JRK: variants seen among roughly 807,000 people sequenced by gnomAD.
JRK encodes Jrk helix-turn-helix protein, also known as jerky protein homolog.
For missense variants in JRK, 720 were observed against 509.2 expected (o/e 1.41, Z -3.98); for synonymous variants, 303 against 218.1 (o/e 1.39, Z -3.43).
chr8:142,667,432 GACACACACACAC>G lies in JRK; in HGVS notation c.-462-924_-462-913del, dbSNP rs59385009. 3.0e-3 allele frequency among the ~76,000 whole-genome samples: 447 copies of G among 146,912 alleles called. 1 individual carries two copies. The highest frequency in any genetic ancestry group is 8.1e-3 in the African/African-American group (318 of 39,292). On this transcript the variant is annotated intron_variant, in intron 1 of 1. Coordinates refer to ENST00000612905, the MANE Select transcript of JRK (RefSeq NM_003724.4). ...CCTGCCAGACATGGACGGACACGGA[GACACACACACAC>G]ACACACACACACACACACACACACA...
rs905330909 is a variant in JRK, at chr8:142,662,336, A to C, written c.*2016T>G. 5 of 985,500 alleles carry C rather than the reference A, an allele frequency of 5.1e-6. No individual in the cohort carries two copies. The highest frequency in any genetic ancestry group is 1.7e-5 in the African/African-American group (1 of 57,236). 61.0% of individuals were successfully genotyped at this position (985,500 alleles called of 1,614,324 possible). A position where few individuals can be genotyped will look rare whatever the true frequency, so the allele number is the denominator to read the frequency against. ...CCCTCCCCAGCTCCACCCACCCAGG[A>C]TGTCCTACTGTTTCAGAGCCCTCGG... is the stretch of plus-strand genomic sequence containing the variant. On this transcript the variant is annotated 3_prime_UTR_variant, in exon 2 of 2. Transcript: ENST00000612905.
the JRK span, among the ~76,000 whole-genome samples, chr8:142,644,842 T>G: frequency 6.6e-6 from 1 of 152,244 alleles, no homozygotes; most frequent in Non-Finnish European, 1.5e-5. Context: ...AAGATAGAAT[T>G]TTCATAAGCC....
chr8:142,649,871 C>T, the JRK span, among the ~76,000 whole-genome samples: 1 of 152,250 alleles, frequency 6.6e-6, no homozygotes, highest in Non-Finnish European at 1.5e-5. Context: ...AGAAGATGGC[C>T]ACTGACCTCT....
Position 142,660,022 on chromosome 8 carries a change from G to C in JRK, c.*4330C>G. The stretch of plus-strand genomic sequence containing the variant: ...AAGGAGTGGGCGTGTGGGGCTGGGA[G>C]CTGGGGCTCATGTGGGAGGCTGGTG... On this transcript the variant is annotated 3_prime_UTR_variant, in exon 2 of 2. Coordinates refer to ENST00000612905, the MANE Select transcript of JRK (RefSeq NM_003724.4). The C allele has an allele frequency of 1.0e-6, 1 of 986,046 alleles. No homozygotes were observed. The highest frequency in any genetic ancestry group is 1.2e-6 in the Non-Finnish European group (1 of 830,340). 61.1% of individuals were successfully genotyped at this position (986,046 alleles called of 1,614,324 possible). A position where few individuals can be genotyped will look rare whatever the true frequency, so the allele number is the denominator to read the frequency against.
At chr8:142,667,501 G>C (rs78167196) in intron 1 of JRK, among the ~76,000 whole-genome samples, 5,391 of 150,236 alleles carry the variant, frequency 0.036, 119 homozygotes, top group Non-Finnish European at 0.053. Context: ...ACACATACAC[G>C]CTCAGAGGAC....
rs1160958088 is a variant in JRK, at chr8:142,663,261, C to T, written c.*1091G>A. 10 of 985,252 alleles carry T rather than the reference C, an allele frequency of 1.0e-5. No individual in the cohort carries two copies. The highest frequency in any genetic ancestry group is 1.7e-5 in the African/African-American group (1 of 57,204). 61.0% of individuals were successfully genotyped at this position (985,252 alleles called of 1,614,324 possible). ...TCAGCTGCAGGCAGTGAGTGTTGCCCGTGAAATGGAGATGCCGCAAAGCAA... is the reference window on the plus strand; with the variant it reads ...TCAGCTGCAGGCAGTGAGTGTTGCCTGTGAAATGGAGATGCCGCAAAGCAA... On this transcript the variant is annotated 3_prime_UTR_variant, in exon 2 of 2. Coordinates refer to ENST00000612905, the MANE Select transcript of JRK (RefSeq NM_003724.4).
At position 142,661,435 on chromosome 8, in the gene JRK, G is replaced by A; in HGVS notation, c.*2917C>T. The A allele has an allele frequency of 1.0e-6, 1 of 985,480 alleles. No individual in the cohort carries two copies. The highest frequency in any genetic ancestry group is 1.2e-6 in the Non-Finnish European group (1 of 829,992). 61.0% of individuals were successfully genotyped at this position (985,480 alleles called of 1,614,324 possible). ...GCGCCCTCAGGCCTGAGCACTCAGG[G>A]GTGCCACCCCAAAGATGAAGGCAGT... On this transcript the variant is annotated 3_prime_UTR_variant, in exon 2 of 2. Coordinates refer to ENST00000612905, the MANE Select transcript of JRK (RefSeq NM_003724.4).
Position 142,664,176 on chromosome 8 carries a change from T to C in JRK, c.*176A>G, listed in dbSNP as rs1847005427. ...AATAAAACCTGTATTGACAGGAACC[T>C]CGGGCACAGACCGTCCTGGGCACCC... On this transcript the variant is annotated 3_prime_UTR_variant, in exon 2 of 2. Transcript: ENST00000612905. 1 of 1,374,430 alleles carries C rather than the reference T, an allele frequency of 7.3e-7. No homozygotes were observed. The highest frequency in any genetic ancestry group is 2.0e-5 in the South Asian group (1 of 49,110). The allele number at this position is 1,374,430 out of a possible 1,614,324, so 85.1% of individuals were successfully genotyped here. A position where few individuals can be genotyped will look rare whatever the true frequency, so the allele number is the denominator to read the frequency against.
Position 142,659,329 on chromosome 8 carries a change from C to T in JRK, c.*5023G>A. The T allele has an allele frequency of 1.0e-6, 1 of 1,000,494 alleles. No homozygotes were observed. The highest frequency in any genetic ancestry group is 1.2e-6 in the Non-Finnish European group (1 of 839,224). 62.0% of individuals were successfully genotyped at this position (1,000,494 alleles called of 1,614,324 possible). A position where few individuals can be genotyped will look rare whatever the true frequency, so the allele number is the denominator to read the frequency against. ...CAGAGCAGACCATGCTGACACTGGGCAACACATTCCCTGCTCTGGACCTCA... is the reference window on the plus strand; with the variant it reads ...CAGAGCAGACCATGCTGACACTGGGTAACACATTCCCTGCTCTGGACCTCA... On this transcript the variant is annotated 3_prime_UTR_variant, in exon 2 of 2. Coordinates refer to ENST00000612905, the MANE Select transcript of JRK (RefSeq NM_003724.4).
In JRK at chr8:142,664,262, C is replaced by T; in HGVS notation, c.*90G>A. On this transcript the variant is annotated 3_prime_UTR_variant, in exon 2 of 2. Coordinates refer to ENST00000612905, the MANE Select transcript of JRK (RefSeq NM_003724.4). ...CTCTTGAGTGTCTGCACATGCCCTC[C>T]TGCCTCAGGTGGGGTCGGGGCACAG... 6.9e-7 allele frequency: 1 copy of T among 1,449,866 alleles called. No individual in the cohort carries two copies. Among genetic ancestry groups the T allele is most frequent in the Non-Finnish European group, 9.1e-7 (1 of 1,098,646 alleles). The allele number at this position is 1,449,866 out of a possible 1,614,324, so 89.8% of individuals were successfully genotyped here. A position where few individuals can be genotyped will look rare whatever the true frequency, so the allele number is the denominator to read the frequency against.
At chr8:142,656,799 C>T (rs1554633735), downstream of JRK, among the ~76,000 whole-genome samples, 1 of 152,118 alleles carries the variant, frequency 6.6e-6, no homozygotes, top group African/African-American at 2.4e-5. Context: ...GGGAGCTGAG[C>T]GTTTGGTGGG....
At position 142,661,860 on chromosome 8, in the gene JRK, T is replaced by C. The variant is rs1846925771; in HGVS notation, c.*2492A>G. The stretch of plus-strand genomic sequence containing the variant: ...GACGGGTCAGGAAGTGAAAACAAAG[T>C]GCTCGGAGGACACGGCAGTCTCCAT... On this transcript the variant is annotated 3_prime_UTR_variant, in exon 2 of 2. Coordinates refer to ENST00000612905, the MANE Select transcript of JRK (RefSeq NM_003724.4). 1.0e-6 allele frequency: 1 copy of C among 985,424 alleles called. No homozygotes were observed. Among genetic ancestry groups the C allele is most frequent in the Non-Finnish European group, 1.2e-6 (1 of 829,970 alleles). The allele number at this position is 985,424 out of a possible 1,614,324, so 61.0% of individuals were successfully genotyped here. A position where few individuals can be genotyped will look rare whatever the true frequency, so the allele number is the denominator to read the frequency against.
Position 142,663,222 on chromosome 8 carries a change from G to A in JRK, c.*1130C>T. 1 of 985,432 alleles carries A rather than the reference G, an allele frequency of 1.0e-6. No individual in the cohort carries two copies. The highest frequency in any genetic ancestry group is 1.7e-5 in the African/African-American group (1 of 57,354). The allele number at this position is 985,432 out of a possible 1,614,324, so 61.0% of individuals were successfully genotyped here. On this transcript the variant is annotated 3_prime_UTR_variant, in exon 2 of 2. Coordinates refer to ENST00000612905, the MANE Select transcript of JRK (RefSeq NM_003724.4). ...ACGAGGCTAATCACTGTGGACACAGGGCGTTCTGGAATCTCAGCTGCAGGC... is the reference window on the plus strand; with the variant it reads ...ACGAGGCTAATCACTGTGGACACAGAGCGTTCTGGAATCTCAGCTGCAGGC...
chr8:142,660,519 C>G lies in JRK; in HGVS notation c.*3833G>C, dbSNP rs1554634341. 1 of 788,818 alleles carries G rather than the reference C, an allele frequency of 1.3e-6. No individual in the cohort carries two copies. The highest frequency in any genetic ancestry group is 1.9e-5 in the African/African-American group (1 of 53,100). 48.9% of individuals were successfully genotyped at this position (788,818 alleles called of 1,614,324 possible). A position where few individuals can be genotyped will look rare whatever the true frequency, so the allele number is the denominator to read the frequency against. On this transcript the variant is annotated 3_prime_UTR_variant, in exon 2 of 2. Coordinates refer to ENST00000612905, the MANE Select transcript of JRK (RefSeq NM_003724.4). ...GGGCTTGGGGATCCTCCCGCCTCGG[C>G]CTCCTGAGTAGCTGGGGTTACAGGC...
the JRK span, among the ~76,000 whole-genome samples, chr8:142,651,675 AAAACAG>A: frequency 3.9e-5 from 6 of 152,218 alleles, no homozygotes. Context: ...TGAAACAACA[AAAACAG>A]AAACAAACAA....
At chr8:142,651,540 CTTTTTTT>C in the JRK span, among the ~76,000 whole-genome samples, 5,861 of 103,148 alleles carry the variant, frequency 0.057, 130 homozygotes, top group Non-Finnish European at 0.068. Flanking sequence ...AAAAATCAAT[CTTTTTTT>C]TTTTTTTTTT....
chr8:142,643,701 T>C, the JRK span, among the ~76,000 whole-genome samples: 1 of 152,196 alleles, frequency 6.6e-6, no homozygotes, highest in Non-Finnish European at 1.5e-5. Context: ...GGGGCTTTTA[T>C]TGGCTCTGTA....
At chr8:142,669,567 C>T (rs1009257307) in intron 1 of JRK, among the ~76,000 whole-genome samples, 1 of 152,174 alleles carries the variant, frequency 6.6e-6, no homozygotes, top group Non-Finnish European at 1.5e-5. Flanking sequence ...TTTTTAAGGG[C>T]AAGCGGACCT....
In JRK at chr8:142,664,390, A is replaced by C. The variant is rs782482925; in HGVS notation, c.1669T>G (p.Ser557Ala). The C allele has an allele frequency of 8.2e-6, 13 of 1,590,938 alleles. No individual in the cohort carries two copies. Among genetic ancestry groups the C allele is most frequent in the African/African-American group, 1.3e-5 (1 of 74,602 alleles). Residue 557 changes from serine to alanine, a missense_variant, in exon 2 of 2, where the codon TCT becomes GCT. Ser to Ala is a moderately conservative substitution (Grantham distance 99, BLOSUM62 1). Transcript: ENST00000612905. ...GPGGCGATAQ[S>A]PLPCSSTAGD... Reference sequence around the variant, plus strand: ...GCTGTGGATGAGCAGGGCAAGGGAGACTGAGCTGTGGCCCCACAGCCACCA... The same window carrying C: ...GCTGTGGATGAGCAGGGCAAGGGAGCCTGAGCTGTGGCCCCACAGCCACCA...
Sources: gnomAD v4.1 joint callset for allele counts (sites outside exome capture counted in the v4.1 genomes callset) on GRCh38, gnomAD v4.1.1 for gene constraint, MANE v1.5 for transcripts, NCBI Gene and HGNC (gene_info 2026-07-23, HGNC 2026-07-21) for gene names.